Variants in FNBP1 observed in about 807,000 individuals in gnomAD.
The protein encoded by FNBP1 is formin-binding protein 1.
Under a neutral mutation model 90.6 loss-of-function variants are expected in FNBP1, and 26 were observed. The ratio of observed to expected loss-of-function variants is 0.29; its 90% CI spans 0.21 to 0.40. The LOEUF (loss-of-function observed/expected upper bound fraction) is 0.40, where lower values mean the gene tolerates loss of function less well. Ranked by LOEUF, FNBP1 falls within the 10% of genes least tolerant of loss-of-function variation. The pLI is 1.00. For missense variants in FNBP1, 635 were observed against 768.0 expected, an observed-to-expected ratio of 0.83 and a Z score of 2.05; for synonymous variants, 260 against 265.2, an observed-to-expected ratio of 0.98 and a Z score of 0.19.
At chr9:129,932,113 A>G (rs1276799111) in intron 6 of FNBP1, among the ~76,000 whole-genome samples, 1 of 151,856 alleles carries the variant, frequency 6.6e-6, no homozygotes, top group Non-Finnish European at 1.5e-5. Flanking sequence ...TGGGAGGCCG[A>G]GACAGGAGAA....
chr9:129,976,219 T>A (rs1746484157), intron 4 of FNBP1, among the ~76,000 whole-genome samples: 1 of 152,120 alleles, frequency 6.6e-6, no homozygotes, highest in South Asian at 2.1e-4. Context: ...TTGGGCCAGG[T>A]CATTCTTCGT....
chr9:129,970,544 A>G (rs550892314), intron 4 of FNBP1, among the ~76,000 whole-genome samples: 7 of 152,336 alleles, frequency 4.6e-5, no homozygotes, highest in African/African-American at 1.7e-4. Flanking sequence ...AAATGATATC[A>G]GGAAGAAAGC....
chr9:129,962,985 G>C (rs1387723250), intron 4 of FNBP1, among the ~76,000 whole-genome samples: 1 of 152,126 alleles, frequency 6.6e-6, no homozygotes, highest in Admixed American at 6.6e-5. Context: ...TCTTTATCGG[G>C]TGACTTCTCT....
chr9:129,989,224 A>G (rs182235823), intron 2 of FNBP1, among the ~76,000 whole-genome samples: 1 of 152,322 alleles, frequency 6.6e-6, no homozygotes, highest in East Asian at 1.9e-4. Flanking sequence ...CTATCTTTAA[A>G]TGCTCGAATT....
chr9:129,891,491 G>A (rs2035103248), intron 16 of FNBP1, among the ~76,000 whole-genome samples: 1 of 152,036 alleles, frequency 6.6e-6, no homozygotes, highest in African/African-American at 2.4e-5. Flanking sequence ...GAAAAGAAAT[G>A]CATCAATTTC....
intron 1 of FNBP1, among the ~76,000 whole-genome samples, chr9:130,000,173 T>C (rs967231347): frequency 2.6e-5 from 4 of 152,214 alleles, no homozygotes; most frequent in African/African-American, 4.8e-5. Context: ...TATGATCATG[T>C]AAATTATTCA....
intron 4 of FNBP1, among the ~76,000 whole-genome samples, chr9:129,975,258 C>T (rs1355016837): frequency 6.6e-6 from 1 of 152,138 alleles, no homozygotes; most frequent in Non-Finnish European, 1.5e-5. Context: ...CACAAATACA[C>T]ACATTTGCTT....
chr9:130,033,450 G>A (rs1348566863), intron 1 of FNBP1, among the ~76,000 whole-genome samples: 3 of 152,258 alleles, frequency 2.0e-5, no homozygotes, highest in African/African-American at 7.2e-5. Context: ...AAGTACAAGG[G>A]GAGGAGATTC....
Position 129,938,714 on chromosome 9 carries a change from T to C in FNBP1, c.514-9019A>G, listed in dbSNP as rs116531174. Among the ~76,000 whole-genome samples the C allele has an allele frequency of 2.5e-3, 382 of 152,276 alleles. 1 individual carries two copies. Among genetic ancestry groups the C allele is most frequent in the African/African-American group, 9.0e-3 (374 of 41,548 alleles). On this transcript the variant is annotated intron_variant, in intron 6 of 16. Coordinates refer to ENST00000446176, the MANE Select transcript of FNBP1 (RefSeq NM_015033.3). Reference sequence around the variant, plus strand: ...TTTAAGAAAAGGTCTTCTGTTTCCCTATGCTCTGGTTGCCTTATTTGAAAT... The same window carrying C: ...TTTAAGAAAAGGTCTTCTGTTTCCCCATGCTCTGGTTGCCTTATTTGAAAT...
chr9:129,931,407 T>C (rs2042715600), intron 6 of FNBP1, among the ~76,000 whole-genome samples: 1 of 151,606 alleles, frequency 6.6e-6, no homozygotes, highest in African/African-American at 2.4e-5. Flanking sequence ...ATCAAGACCA[T>C]CCTGGCTAAC....
At chr9:129,979,260 G>A (rs547706363) in intron 3 of FNBP1, 58 bp downstream of exon 3, 38 of 967,728 alleles carry the variant, frequency 3.9e-5, no homozygotes, top group Middle Eastern at 2.2e-4. Context: ...TCTCCTTTCC[G>A]TGTGTAGTCA....
intron 4 of FNBP1, among the ~76,000 whole-genome samples, chr9:129,970,067 TG>T (rs1287549036): frequency 3.0e-4 from 45 of 150,716 alleles, no homozygotes; most frequent in African/African-American, 1.0e-3. Context: ...TTTTTGGGTT[TG>T]TTTTTTTTTT....
chr9:130,046,469 C>CA (rs1006321134), upstream of FNBP1, among the ~76,000 whole-genome samples: 3 of 151,372 alleles, frequency 2.0e-5, no homozygotes, highest in African/African-American at 7.3e-5. Context: ...CGTGGTGGCT[C>CA]ACGCCTGTAA....
intron 4 of FNBP1, among the ~76,000 whole-genome samples, chr9:129,962,997 C>A (rs925443604): frequency 6.6e-6 from 1 of 152,076 alleles, no homozygotes. Context: ...GACTTCTCTG[C>A]GAAGAGAAAG....
At position 129,957,131 on chromosome 9, in the gene FNBP1, G is replaced by T. The variant is rs535486083; in HGVS notation, c.513+229C>A. On this transcript the variant is annotated intron_variant, in intron 6 of 16. Transcript: ENST00000446176. The surrounding 1 kb of genome is among the most constrained non-coding windows in gnomAD (Gnocchi z 4.3). ...TGGCTCACTGCAGCCAACGCCTCCT[G>T]GGCTCAAGCGATTCTCCTGCCTCAG... Among the ~76,000 whole-genome samples, 8 of 150,118 alleles carry T rather than the reference G, an allele frequency of 5.3e-5. No homozygotes were observed. Among genetic ancestry groups the T allele is most frequent in the Admixed American group, 2.0e-4 (3 of 15,018 alleles).
intron 4 of FNBP1, among the ~76,000 whole-genome samples, chr9:129,970,322 C>T (rs2049260254): frequency 6.6e-6 from 1 of 152,132 alleles, no homozygotes; most frequent in African/African-American, 2.4e-5. Flanking sequence ...TCTCCTGCCT[C>T]AGCCTCCCGA....
chr9:130,033,668 C>G (rs902083180), intron 1 of FNBP1, among the ~76,000 whole-genome samples: 6 of 150,810 alleles, frequency 4.0e-5, no homozygotes, highest in African/African-American at 7.3e-5. Flanking sequence ...AAGACCCCCC[C>G]ACCTCTACAA....
chr9:129,952,294 G>T (rs1419997576), intron 6 of FNBP1, among the ~76,000 whole-genome samples: 1 of 151,942 alleles, frequency 6.6e-6, no homozygotes, highest in Non-Finnish European at 1.5e-5. Context: ...GAGGTCAGGG[G>T]TTCGAGACCA....
At chr9:129,939,600 G>A (rs866192979) in intron 6 of FNBP1, among the ~76,000 whole-genome samples, 46 of 152,240 alleles carry the variant, frequency 3.0e-4, no homozygotes, top group Middle Eastern at 6.8e-3. Context: ...GGGGAAGAGT[G>A]TCTTCTAAAA....
Sources: gnomAD v4.1 joint callset for allele counts (sites outside exome capture counted in the v4.1 genomes callset) on GRCh38, gnomAD v4.1.1 for gene constraint, Gnocchi (gnomAD v3.1) non-coding constraint, MANE v1.5 for transcripts, NCBI Gene and HGNC (gene_info 2026-07-23, HGNC 2026-07-21) for gene names.